Variants in TRHDE observed in about 807,000 individuals in gnomAD.
The protein encoded by TRHDE is thyrotropin-releasing hormone-degrading ectoenzyme.
In TRHDE, 72 loss-of-function variants were observed where a neutral mutation model predicts 125.7. The ratio of observed to expected loss-of-function variants is 0.57; its 90% CI spans 0.47 to 0.70. TRHDE has a LOEUF of 0.70. Ranked by LOEUF, TRHDE falls within the 30% of genes least tolerant of loss-of-function variation. The pLI is 0.00. For synonymous variants in TRHDE, 509 were observed against 509.1 expected (o/e 1.00, Z 0.00); for missense variants, 1,110 against 1,327.1 (o/e 0.84, Z 2.54).
chr12:72,568,993 A>C (rs954818710), intron 10 of TRHDE, among the ~76,000 whole-genome samples: 1 of 151,990 alleles, frequency 6.6e-6, no homozygotes, highest in African/African-American at 2.4e-5. Flanking sequence ...TGTGCCAAAT[A>C]CTGAAAACAC....
At chr12:72,262,046 C>T (rs1878961547) in intron 2 of TRHDE, among the ~76,000 whole-genome samples, 1 of 152,188 alleles carries the variant, frequency 6.6e-6, no homozygotes, top group Admixed American at 6.5e-5. Context: ...AGGTGAAGAT[C>T]AGCAGCTGTC....
chr12:72,497,400 A>G (rs573980356), intron 5 of TRHDE, among the ~76,000 whole-genome samples: 26 of 152,278 alleles, frequency 1.7e-4, no homozygotes, highest in African/African-American at 6.0e-4. Flanking sequence ...TTTAATATTG[A>G]TCAATATGTA....
At chr12:72,207,489 C>T (rs1024703053) in intron 2 of TRHDE, among the ~76,000 whole-genome samples, 1 of 152,008 alleles carries the variant, frequency 6.6e-6, no homozygotes, top group African/African-American at 2.4e-5. Flanking sequence ...AGATAGAATT[C>T]CCTAATAAAA....
At position 72,473,078 on chromosome 12, in the gene TRHDE, C is replaced by A. The variant is rs1340480382; in HGVS notation, c.1482C>A (p.Asp494Glu). The A allele has an allele frequency of 2.5e-6, 4 of 1,613,518 alleles. No homozygotes were observed. Among genetic ancestry groups the A allele is most frequent in the Non-Finnish European group, 3.4e-6 (4 of 1,179,716 alleles). The stretch of plus-strand genomic sequence containing the variant: ...TTTTGTTACTGCAGTGGTTTGGTGA[C>A]CTTGTGACGCCTGTGTGGTGGGAAG... The part of the protein sequence containing the change: ...VHEICHQWFG[D>E]LVTPVWWEDV... Residue 494 changes from aspartate (D) to glutamate (E), a missense_variant, in exon 5 of 19, where the codon GAC becomes GAA. By Grantham distance (45) the Asp-to-Glu change is conservative. Around this residue, in one of 5 missense-constraint regions of TRHDE, gnomAD observed 11 missense variants for 37.5 expected, o/e 0.29. Transcript: ENST00000261180.
chr12:72,585,433 TCACTC>T (rs762501591), intron 12 of TRHDE, among the ~76,000 whole-genome samples: 2 of 152,222 alleles, frequency 1.3e-5, no homozygotes, highest in Non-Finnish European at 2.9e-5. Flanking sequence ...GTACTTATGG[TCACTC>T]CACAGTAAAT....
At chr12:72,132,604 C>T (rs1875889807) in intron 2 of TRHDE, among the ~76,000 whole-genome samples, 1 of 151,990 alleles carries the variant, frequency 6.6e-6, no homozygotes, top group African/African-American at 2.4e-5. Context: ...GCAGTTGTCA[C>T]ATAAAATCAG....
At chr12:72,438,349 C>G (rs1273623662) in intron 3 of TRHDE, among the ~76,000 whole-genome samples, 1 of 151,748 alleles carries the variant, frequency 6.6e-6, no homozygotes, top group Non-Finnish European at 1.5e-5. Context: ...TGAGGAACCT[C>G]CATACTGTTT....
intron 6 of TRHDE, among the ~76,000 whole-genome samples, chr12:72,521,084 C>G (rs900236775): frequency 2.6e-5 from 4 of 152,138 alleles, no homozygotes; most frequent in African/African-American, 9.7e-5. Flanking sequence ...GTGTGATTGC[C>G]TGATCATATA....
chr12:72,635,878 C>G (rs923570251), intron 15 of TRHDE, among the ~76,000 whole-genome samples: 10 of 152,128 alleles, frequency 6.6e-5, no homozygotes, highest in Admixed American at 3.9e-4. Flanking sequence ...GTTTTGGTAC[C>G]AGTACCATGC....
At chr12:72,145,155 T>C (rs1448190240) in intron 2 of TRHDE, among the ~76,000 whole-genome samples, 1 of 152,212 alleles carries the variant, frequency 6.6e-6, no homozygotes, top group East Asian at 1.9e-4. Context: ...TGAGTTTCCA[T>C]CACACTGAGC....
intron 15 of TRHDE, among the ~76,000 whole-genome samples, chr12:72,647,958 G>A (rs1225119381): frequency 6.6e-6 from 1 of 151,960 alleles, no homozygotes; most frequent in African/African-American, 2.4e-5. Context: ...GACATCACAA[G>A]AAATGAAAAC....
intron 2 of TRHDE, among the ~76,000 whole-genome samples, chr12:72,370,621 T>G (rs1871535358): frequency 6.6e-6 from 1 of 152,222 alleles, no homozygotes; most frequent in South Asian, 2.1e-4. Context: ...AACAGGCAGC[T>G]TTCTATATCT....
At chr12:72,191,362 A>C (rs1877336137) in intron 2 of TRHDE, among the ~76,000 whole-genome samples, 1 of 152,192 alleles carries the variant, frequency 6.6e-6, no homozygotes, top group African/African-American at 2.4e-5. Flanking sequence ...GACTTTGGGC[A>C]TCACTCCATG....
At chr12:72,350,437 ATATAT>A (rs1409411893) in intron 2 of TRHDE, among the ~76,000 whole-genome samples, 6 of 152,046 alleles carry the variant, frequency 3.9e-5, no homozygotes, top group Non-Finnish European at 8.8e-5. Flanking sequence ...ATAGAACATA[ATATAT>A]TATAATCTTC....
rs574550431 is a variant in TRHDE at position 72,522,359 on chromosome 12, A to G, written c.1723-19932A>G. ...TATGTCCTTTTAAATTAAAGTTTTT[A>G]GAAACATCCTAGTTATCACCTAGTG... On this transcript the variant is annotated intron_variant, in intron 6 of 18. Transcript: ENST00000261180. Among the ~76,000 whole-genome samples, 8 of 152,338 alleles carry G rather than the reference A, an allele frequency of 5.3e-5. No individual in the cohort carries two copies. In the South Asian group the frequency reaches 1.7e-3, roughly 32 times the overall value.
rs569321579 is a variant in TRHDE at position 72,591,941 on chromosome 12, G to A, written c.2321+16399G>A. 1.1e-4 allele frequency among the ~76,000 whole-genome samples: 17 copies of A among 151,140 alleles called. 1 individual carries two copies. In the South Asian group the frequency reaches 3.5e-3, roughly 32 times the overall value. On this transcript the variant is annotated intron_variant, in intron 12 of 18. Transcript: ENST00000261180. ...TGATTTTTATCTTTGACTTTTGACA[G>A]TTTAACTATGATATATGCATGCAAG...
chr12:72,193,175 A>G (rs562414236), intron 2 of TRHDE, among the ~76,000 whole-genome samples: 11 of 152,242 alleles, frequency 7.2e-5, no homozygotes, highest in Admixed American at 6.5e-4. Flanking sequence ...GTTTGTCTTT[A>G]TAAAGATTTA....
At chr12:72,257,575 A>G (rs1878847998) in intron 2 of TRHDE, 1 of 152,178 alleles carries the variant, frequency 6.6e-6, no homozygotes, top group African/African-American at 2.4e-5. Flanking sequence ...CTCTCCCAAT[A>G]TAACTTGGGT....
chr12:72,626,809 T>C (rs1873277361), intron 15 of TRHDE, among the ~76,000 whole-genome samples: 1 of 151,926 alleles, frequency 6.6e-6, no homozygotes, highest in Non-Finnish European at 1.5e-5. Context: ...GACAAAAGGC[T>C]CTTTTCACTA....
Sources: allele counts gnomAD v4.1 joint callset (sites outside exome capture counted in the v4.1 genomes callset), GRCh38; gene constraint gnomAD v4.1.1; regional missense constraint gnomAD v4.1.1; transcripts MANE v1.5; gene names NCBI Gene and HGNC (gene_info 2026-07-23, HGNC 2026-07-21).